FHIT: variants seen among roughly 807,000 people sequenced by gnomAD.
The protein encoded by FHIT is fragile histidine triad diadenosine triphosphatase.
FHIT carries 19 observed loss-of-function variants against 17.9 expected under a neutral mutation model. The ratio of observed to expected loss-of-function variants is 1.06; its 90% CI spans 0.74 to 1.56. The LOEUF is 1.56. Among genes scored for constraint, FHIT ranks in the 40% most tolerant of loss-of-function variants. The probability of loss-of-function intolerance (pLI) is 0.00; values close to 1 mark genes in which losing one functional copy is unlikely to be tolerated. For missense variants in FHIT, 248 were observed against 189.2 expected (o/e 1.31, Z -1.82); for synonymous variants, 81 against 69.7 (o/e 1.16, Z -0.81).
chr3:60,220,388 T>G lies in FHIT; in HGVS notation c.104-206236A>C, dbSNP rs370993996. ...TTTAGGCAAGCCCAAAGGGTTATTA[T>G]TAAAGTTATATTCCTCAAATTATGG... On this transcript the variant is annotated intron_variant, in intron 5 of 9. Coordinates refer to ENST00000492590, the MANE Select transcript of FHIT (RefSeq NM_002012.4). 3.9e-5 allele frequency among the ~76,000 whole-genome samples: 6 copies of G among 152,200 alleles called. No individual in the cohort carries two copies. In the East Asian group the frequency reaches 7.7e-4, roughly 20 times the overall value.
chr3:60,891,308 G>A (rs1345739144), intron 3 of FHIT, among the ~76,000 whole-genome samples: 1 of 152,004 alleles, frequency 6.6e-6, no homozygotes, highest in Non-Finnish European at 1.5e-5. Context: ...TGCTCAGAAG[G>A]GTTTGATTCT....
At chr3:60,760,751 A>G (rs1476940724) in intron 4 of FHIT, among the ~76,000 whole-genome samples, 1 of 152,174 alleles carries the variant, frequency 6.6e-6, no homozygotes, top group Non-Finnish European at 1.5e-5. Context: ...AAGAAATTCC[A>G]AATGTTGCAT....
chr3:60,989,167 A>T (rs984061924), intron 3 of FHIT, among the ~76,000 whole-genome samples: 2 of 151,944 alleles, frequency 1.3e-5, no homozygotes, highest in African/African-American at 2.4e-5. Flanking sequence ...TTATTTATTT[A>T]TGTATTTATT....
intron 5 of FHIT, among the ~76,000 whole-genome samples, chr3:60,172,580 G>A (rs556107149): frequency 6.0e-4 from 92 of 152,212 alleles, no homozygotes; most frequent in Middle Eastern, 6.8e-3. Flanking sequence ...CAGGACTGAA[G>A]TGTGTTTTGT....
chr3:60,512,512 T>G (rs916345764), intron 5 of FHIT, among the ~76,000 whole-genome samples: 1 of 152,368 alleles, frequency 6.6e-6, no homozygotes, highest in South Asian at 2.1e-4. Flanking sequence ...TTCAGCTTTG[T>G]CTTTGAATTT....
chr3:60,368,623 T>C (rs1166398886), intron 5 of FHIT, among the ~76,000 whole-genome samples: 9 of 152,116 alleles, frequency 5.9e-5, no homozygotes, highest in Non-Finnish European at 1.0e-4. Flanking sequence ...GTAGCTTGCC[T>C]TTTTATTTTC....
chr3:60,708,742 T>A (rs6773644), intron 4 of FHIT, among the ~76,000 whole-genome samples: 1 of 152,200 alleles, frequency 6.6e-6, no homozygotes, highest in African/African-American at 2.4e-5. Flanking sequence ...TTAAGACTCA[T>A]TGTTGGCAAG....
intron 5 of FHIT, among the ~76,000 whole-genome samples, chr3:60,015,057 T>G (rs1259612006): frequency 6.6e-6 from 1 of 151,544 alleles, no homozygotes; most frequent in East Asian, 1.9e-4. Context: ...TTGTTTAGTT[T>G]TTAGATACTA....
chr3:61,053,664 G>GGAAA (rs553280625), intron 2 of FHIT, among the ~76,000 whole-genome samples: 7 of 149,546 alleles, frequency 4.7e-5, no homozygotes, highest in Non-Finnish European at 4.4e-5. Context: ...TCCGTCTCAA[G>GGAAA]AAAAAAAAAA....
intron 5 of FHIT, among the ~76,000 whole-genome samples, chr3:60,325,565 C>G (rs1215806161): frequency 6.6e-6 from 1 of 152,102 alleles, no homozygotes; most frequent in East Asian, 1.9e-4. Flanking sequence ...AAACTCTTCT[C>G]TAAATTTATT....
intron 9 of FHIT, 115 bp from the exon 10 acceptor site, chr3:59,749,694 C>G (rs918036439): frequency 8.7e-6 from 2 of 229,964 alleles, no homozygotes; most frequent in Non-Finnish European, 1.7e-5. Flanking sequence ...CTTTTGGTTA[C>G]GAAGAAGTGG....
At chr3:60,313,300 G>A (rs571225585) in intron 5 of FHIT, among the ~76,000 whole-genome samples, 1 of 152,322 alleles carries the variant, frequency 6.6e-6, no homozygotes, top group Admixed American at 6.5e-5. Flanking sequence ...AAACTAATAT[G>A]TAAAAACCCA....
intron 1 of FHIT, among the ~76,000 whole-genome samples, chr3:61,206,240 G>C (rs1444572690): frequency 1.5e-5 from 2 of 131,556 alleles, no homozygotes; most frequent in Non-Finnish European, 3.2e-5. Flanking sequence ...ATAGTTTGAA[G>C]TCAGGTAGTG....
chr3:59,841,103 C>T (rs1701518284), intron 8 of FHIT, among the ~76,000 whole-genome samples: 1 of 152,190 alleles, frequency 6.6e-6, no homozygotes, highest in Admixed American at 6.5e-5. Flanking sequence ...TGGCTTGCTA[C>T]ATTCTTGGCA....
At chr3:61,149,357 G>A (rs1256332981) in intron 2 of FHIT, among the ~76,000 whole-genome samples, 1 of 151,634 alleles carries the variant, frequency 6.6e-6, no homozygotes, top group Non-Finnish European at 1.5e-5. Flanking sequence ...TCCAAAATGA[G>A]ACACTTCTGA....
chr3:60,513,015 A>T (rs1341711646), intron 5 of FHIT, among the ~76,000 whole-genome samples: 1 of 152,224 alleles, frequency 6.6e-6, no homozygotes, highest in East Asian at 1.9e-4. Flanking sequence ...ATATGATATT[A>T]CTGAACTAAT....
chr3:59,958,383 T>C lies in FHIT; in HGVS notation c.280-35969A>G, dbSNP rs374314662. Among the ~76,000 whole-genome samples, 278 of 152,286 alleles carry C rather than the reference T, an allele frequency of 1.8e-3. 2 individuals are homozygous for C. Among genetic ancestry groups the C allele is most frequent in the South Asian group, 4.4e-3 (21 of 4,824 alleles). ...GTATAAAAAAAATCACCAAGTTGAT[T>C]ATTGCACAATGAGGTCTCACTCAAA... is the stretch of plus-strand genomic sequence containing the variant. On this transcript the variant is annotated intron_variant, in intron 7 of 9. Transcript: ENST00000492590.
At chr3:60,164,141 CT>C (rs1701055565) in intron 5 of FHIT, among the ~76,000 whole-genome samples, 1 of 152,140 alleles carries the variant, frequency 6.6e-6, no homozygotes, top group South Asian at 2.1e-4. Context: ...ACTGCTGAAG[CT>C]TTTTTGAATA....
intron 5 of FHIT, among the ~76,000 whole-genome samples, chr3:60,397,162 C>T (rs953855261): frequency 6.6e-6 from 1 of 152,196 alleles, no homozygotes; most frequent in Admixed American, 6.5e-5. Flanking sequence ...AAAGAATAAA[C>T]TGCAACTGTA....
Sources: allele counts gnomAD v4.1 joint callset (sites outside exome capture counted in the v4.1 genomes callset), GRCh38; gene constraint gnomAD v4.1.1; transcripts MANE v1.5; gene names NCBI Gene and HGNC (gene_info 2026-07-23, HGNC 2026-07-21).